The following MROH6 variants were observed in gnomAD, a reference collection of about 807,000 sequenced individuals.
MROH6 encodes the protein maestro heat-like repeat-containing protein family member 6.
Under a neutral mutation model 67.7 loss-of-function variants are expected in MROH6, and 62 were observed. The ratio of observed to expected loss-of-function variants is 0.92; its 90% confidence interval spans 0.75 to 1.13. The LOEUF (loss-of-function observed/expected upper bound fraction) is 1.13. Ranked by LOEUF, MROH6 falls within the 50% of genes most tolerant of loss-of-function variation. The pLI, the probability that MROH6 is intolerant of heterozygous loss-of-function variation, is 0.00. For synonymous variants in MROH6, 566 were observed against 470.8 expected (o/e 1.20, Z -2.62); for missense variants, 1,175 against 1,029.1 (o/e 1.14, Z -1.94).
intron 9 of MROH6, 23 bp downstream of exon 9, chr8:143,569,418 C>G: frequency 1.4e-6 from 2 of 1,417,280 alleles, no homozygotes; most frequent in Non-Finnish European, 1.8e-6. Flanking sequence ...GGGGCGGGAC[C>G]CGGAGGCGGG....
rs1563920367 is a variant in MROH6, at chr8:143,570,887, TGGGGCTCCGGCCCC to T, written c.696_709del (p.Pro234ThrfsTer61). On this transcript the variant is annotated frameshift_variant, in exon 4 of 14. Transcript: ENST00000398882. LOFTEE classifies it high-confidence loss of function. ...GCTGGAGCCACCTACCGCCAGTGCC[TGGGGCTCCGGCCCC>T]GAAGCACCCTTCAGCGCCCACAGCA... 7.9e-7 allele frequency: 1 copy of T among 1,273,190 alleles called. No individual in the cohort carries two copies. The highest frequency in any genetic ancestry group is 2.5e-5 in the Admixed American group (1 of 40,808). The allele number at this position is 1,273,190 out of a possible 1,614,324, so 78.9% of individuals were successfully genotyped here.
Position 143,570,638 on chromosome 8 carries a change from TC to T in MROH6, c.739del (p.Glu247ArgfsTer62). On this transcript the variant is annotated frameshift_variant, in exon 5 of 14. Coordinates refer to ENST00000398882, the MANE Select transcript of MROH6 (RefSeq NM_001100878.2). LOFTEE classifies it high-confidence loss of function. ...CACGCAGCCCGAAACAGCCAGCATCTCCCCAAGAGCACGTGTGGCCTGTGGA... is the reference window on the plus strand; with the variant it reads ...CACGCAGCCCGAAACAGCCAGCATCTCCCAAGAGCACGTGTGGCCTGTGGA... ...QALAATRALG[E>X]MLAVSGCVGA... 6.3e-7 allele frequency: 1 copy of T among 1,597,808 alleles called. No individual in the cohort carries two copies. The highest frequency in any genetic ancestry group is 1.1e-5 in the South Asian group (1 of 90,810).
At position 143,568,175 on chromosome 8, in the gene MROH6, G is replaced by A; in HGVS notation, c.1731C>T (p.Ser577=). ...EELVTVAHYD[S]PEALSHLCCR... Reference sequence around the variant, plus strand: ...AGCAGAGGTGGCTCAGGGCCTCGGGGCTGTCATAGTGGGCCACGGTGACCA... The same window carrying A: ...AGCAGAGGTGGCTCAGGGCCTCGGGACTGTCATAGTGGGCCACGGTGACCA... Residue 577 remains serine, a synonymous_variant, in exon 11 of 14, where the codon AGC becomes AGT. Coordinates refer to ENST00000398882, the MANE Select transcript of MROH6 (RefSeq NM_001100878.2). 1 of 1,610,338 alleles carries A rather than the reference G, an allele frequency of 6.2e-7. No individual in the cohort carries two copies. The highest frequency in any genetic ancestry group is 1.1e-5 in the South Asian group (1 of 90,462).
In MROH6 at chr8:143,569,771, G is replaced by A. The variant is rs757968763; in HGVS notation, c.1228C>T (p.Gln410Ter). The A allele has an allele frequency of 9.9e-6, 16 of 1,612,762 alleles. No individual in the cohort carries two copies. In the East Asian group the frequency reaches 2.7e-4, roughly 27 times the overall value. The change falls in exon 8 of 14, where the codon CAG becomes TAG. Residue 410 changes from glutamine to a stop codon, truncating the protein, a stop_gained. Coordinates refer to ENST00000398882, the MANE Select transcript of MROH6 (RefSeq NM_001100878.2). LOFTEE classifies it high-confidence loss of function. ...EVILERLLTW[Q>*]GDPEPTVRWL... ...CGCACAGTGGGTTCGGGGTCTCCCT[G>A]CCAGGTGAGGAGTCGCTCCAGGATG... is the stretch of plus-strand genomic sequence containing the variant.
At chr8:143,569,389 G>A in intron 9 of MROH6, 52 bp downstream of exon 9, 1 of 1,356,670 alleles carries the variant, frequency 7.4e-7, no homozygotes. Flanking sequence ...CTGGAAGGGC[G>A]GGGGCGGTGA....
At chr8:143,572,253 C>A in intron 1 of MROH6, 68 bp from the exon 2 acceptor site, 1 of 1,578,086 alleles carries the variant, frequency 6.3e-7, no homozygotes, top group Non-Finnish European at 8.6e-7. Flanking sequence ...GGTCCCTCGG[C>A]CTCCCACCTG....
chr8:143,569,908 G>A (rs1169298905), intron 7 of MROH6, 43 bp downstream of exon 7: 2 of 1,611,488 alleles, frequency 1.2e-6, no homozygotes, highest in Non-Finnish European at 1.7e-6. Context: ...CAGGGATCAA[G>A]TCCAGGGTCA....
In MROH6 at chr8:143,569,844, G is replaced by C. The variant is rs1427688857; in HGVS notation, c.1159-4C>G. The C allele has an allele frequency of 6.2e-7, 1 of 1,610,750 alleles. No homozygotes were observed. The highest frequency in any genetic ancestry group is 1.3e-5 in the African/African-American group (1 of 74,878). ...CGGTGGGCCGGCTCTGCAACAGCTA[G>C]GCGAGGCACATGGGGTCAGCACGCC... On this transcript the variant is annotated splice_polypyrimidine_tract_variant and splice_region_variant and intron_variant, in intron 7 of 13. Transcript: ENST00000398882.
chr8:143,569,893 C>T, intron 7 of MROH6, 53 bp from the exon 8 acceptor site: 5 of 1,610,176 alleles, frequency 3.1e-6, no homozygotes, highest in South Asian at 2.2e-5. Flanking sequence ...CAGGCCGCTG[C>T]GATTCAGGGA....
chr8:143,571,280 A>C (rs922849495), intron 3 of MROH6, among the ~76,000 whole-genome samples: 4 of 152,144 alleles, frequency 2.6e-5, no homozygotes, highest in African/African-American at 9.7e-5. Context: ...AAAAGAAAAA[A>C]ATTGCCACAG....
chr8:143,570,959 T>C lies in MROH6; in HGVS notation c.638A>G (p.Asn213Ser), dbSNP rs188278492. The C allele has an allele frequency of 1.3e-6, 2 of 1,548,720 alleles. No homozygotes were observed. Among genetic ancestry groups the C allele is most frequent in the East Asian group, 2.4e-5 (1 of 40,880 alleles). The change falls in exon 4 of 14, where the codon AAC becomes AGC. Residue 213 changes from asparagine (N) to serine (S), a missense_variant. Coordinates refer to ENST00000398882, the MANE Select transcript of MROH6 (RefSeq NM_001100878.2). ...CAGCACCTGCCCATTTACACGCTGGTTACGGCTTAGGCTGCGCCAGAGCTC... is the reference window on the plus strand; with the variant it reads ...CAGCACCTGCCCATTTACACGCTGGCTACGGCTTAGGCTGCGCCAGAGCTC... ...AAELWRSLSR[N>S]QRVNGQVLVQ... is the part of the protein sequence containing the mutation.
intron 9 of MROH6, 169 bp from the exon 10 acceptor site, chr8:143,568,888 G>A (rs1278462218): frequency 3.6e-6 from 2 of 555,642 alleles, no homozygotes; most frequent in African/African-American, 4.1e-5. Context: ...TGGGAAGCCT[G>A]GAGAGCCCCT....
intron 3 of MROH6, among the ~76,000 whole-genome samples, 156 bp downstream of exon 3, chr8:143,571,511 G>C (rs1824035531): frequency 6.6e-6 from 1 of 152,324 alleles, no homozygotes; most frequent in Non-Finnish European, 1.5e-5. Flanking sequence ...AAAAATGAGG[G>C]GAGCGGGAAT....
Position 143,572,094 on chromosome 8 carries a change from T to C in MROH6, c.386A>G (p.Gln129Arg). ...CLEEAGFAGT[Q>R]ATVLTLSSAL... ...TGAGGACAGGGTGAGCACTGTCGCC[T>C]GGGTCCCTGCAAAGCCAGCCTCCTC... Residue 129 changes from glutamine (Q) to arginine (R), a missense_variant, in exon 2 of 14, where the codon CAG becomes CGG. Physicochemically the swap from Gln to Arg is conservative, Grantham distance 43. Transcript: ENST00000398882. 1.2e-6 allele frequency: 2 copies of C among 1,612,846 alleles called. No individual in the cohort carries two copies. The highest frequency in any genetic ancestry group is 1.7e-6 in the Non-Finnish European group (2 of 1,179,792).
At chr8:143,572,352 CCG>C (rs1824101011) in intron 1 of MROH6, 67 bp downstream of exon 1, 2 of 1,483,656 alleles carry the variant, frequency 1.3e-6, no homozygotes, top group Admixed American at 4.4e-5. Flanking sequence ...CCCTGCCACC[CCG>C]CCTTCCACCT....
rs1284027651 is a variant in MROH6 at position 143,572,324 on chromosome 8, C to T, written c.294+97G>A. The stretch of plus-strand genomic sequence containing the variant: ...CCAGCCTGTTTCACGCTGACCTCCC[C>T]CGGGGCCAGCACCGCCCCCCTGCCA... On this transcript the variant is annotated intron_variant, in intron 1 of 13. Transcript: ENST00000398882. 3 of 1,486,574 alleles carry T rather than the reference C, an allele frequency of 2.0e-6. No homozygotes were observed. In the African/African-American group the frequency reaches 4.2e-5, roughly 21 times the overall value. 92.1% of individuals were successfully genotyped at this position (1,486,574 alleles called of 1,614,324 possible). A position where few individuals can be genotyped will look rare whatever the true frequency, so the allele number is the denominator to read the frequency against.
rs1314645023 is a variant in MROH6, at chr8:143,567,486, A to G, written c.1934-21T>C. 5 of 1,428,968 alleles carry G rather than the reference A, an allele frequency of 3.5e-6. No homozygotes were observed. In the South Asian group the frequency reaches 7.4e-5, roughly 21 times the overall value. The allele number at this position is 1,428,968 out of a possible 1,614,324, so 88.5% of individuals were successfully genotyped here. ...TAGGTCTGCGAGGAGATCGCGGCTC[A>G]GGCTGGGGAGCCCAGGAGGGCCGAG... is the stretch of plus-strand genomic sequence containing the variant. On this transcript the variant is annotated intron_variant, in intron 13 of 13. Coordinates refer to ENST00000398882, the MANE Select transcript of MROH6 (RefSeq NM_001100878.2).
rs1458733664 is a variant in MROH6, at chr8:143,569,840, G to C, written c.1159C>G (p.Leu387Val). ...CGTGCGGTGGGCCGGCTCTGCAACA[G>C]CTAGGCGAGGCACATGGGGTCAGCA... is the stretch of plus-strand genomic sequence containing the variant. The part of the protein sequence containing the change: ...RLTAMAFFTG[L>V]LQSRPTARLL... Residue 387 changes from leucine to valine, a missense_variant and splice_region_variant, in exon 8 of 14, where the codon CTG becomes GTG. Coordinates refer to ENST00000398882, the MANE Select transcript of MROH6 (RefSeq NM_001100878.2). The C allele has an allele frequency of 6.2e-7, 1 of 1,610,542 alleles. No individual in the cohort carries two copies. Among genetic ancestry groups the C allele is most frequent in the African/African-American group, 1.3e-5 (1 of 74,866 alleles).
intron 9 of MROH6, 97 bp downstream of exon 9, chr8:143,569,344 C>A (rs1437328140): frequency 1.0e-6 from 1 of 975,170 alleles, no homozygotes. Context: ...GGGGCCTGGG[C>A]GGGAGAGACG....
Sources: gnomAD v4.1 joint callset for allele counts (sites outside exome capture counted in the v4.1 genomes callset) on GRCh38, gnomAD v4.1.1 for gene constraint, MANE v1.5 for transcripts, NCBI Gene and HGNC (gene_info 2026-07-23, HGNC 2026-07-21) for gene names.